Variants in LCOR observed in about 807,000 individuals in gnomAD.
The protein encoded by LCOR is ligand-dependent corepressor.
Under a neutral mutation model 64.4 loss-of-function variants are expected in LCOR, and 14 were observed. The observed-to-expected ratio is 0.22, with a 90% CI of 0.14 to 0.34. LCOR has a LOEUF of 0.34. LCOR is among the 10% of genes least tolerant of loss of function. The probability of loss-of-function intolerance (pLI) is 1.00; values close to 1 mark genes in which losing one functional copy is unlikely to be tolerated. For synonymous variants in LCOR, 643 were observed against 642.5 expected (o/e 1.00, Z -0.01); for missense variants, 1,686 against 1,765.3 (o/e 0.96, Z 0.80).
chr10:96,856,164 G>A (rs926568029), intron 2 of LCOR, among the ~76,000 whole-genome samples: 17 of 151,034 alleles, frequency 1.1e-4, no homozygotes, highest in African/African-American at 3.7e-4. Context: ...TCCGCCTCCC[G>A]GGTTCAAGCA....
intron 2 of LCOR, among the ~76,000 whole-genome samples, chr10:96,876,644 A>G (rs1053222764): frequency 7.2e-5 from 11 of 152,344 alleles, no homozygotes; most frequent in East Asian, 1.9e-4. Flanking sequence ...GAAAATACGG[A>G]CAAGGCAATG....
intron 2 of LCOR, among the ~76,000 whole-genome samples, chr10:96,902,122 C>T (rs1259095034): frequency 1.4e-5 from 2 of 143,590 alleles, no homozygotes; most frequent in African/African-American, 5.5e-5. Context: ...ATTCAGAGCT[C>T]TTTGCTCTTA....
chr10:96,966,220 CTTTTT>C (rs34210121), intron 7 of LCOR, among the ~76,000 whole-genome samples: 4 of 55,136 alleles, frequency 7.3e-5, no homozygotes, highest in Non-Finnish European at 1.0e-4. Flanking sequence ...CCAAAGGACT[CTTTTT>C]TTTTTTTTTT....
chr10:96,925,442 T>C (rs1264689385), intron 4 of LCOR, among the ~76,000 whole-genome samples: 1 of 152,228 alleles, frequency 6.6e-6, no homozygotes, highest in Non-Finnish European at 1.5e-5. Flanking sequence ...AGAATTTCTC[T>C]TAATTTAGGT....
intron 7 of LCOR, chr10:96,956,077 C>T: frequency 1.4e-6 from 2 of 1,436,140 alleles, no homozygotes; most frequent in Non-Finnish European, 1.8e-6. Context: ...AATGTGCATT[C>T]TGAATGTTGC....
chr10:96,834,564 A>C (rs986728477), intron 2 of LCOR, among the ~76,000 whole-genome samples: 13 of 152,166 alleles, frequency 8.5e-5, no homozygotes, highest in African/African-American at 2.9e-4. Context: ...AGAAGCATGA[A>C]ATTAATGCGT....
At chr10:96,854,013 G>T (rs754058081) in intron 2 of LCOR, among the ~76,000 whole-genome samples, 1 of 152,102 alleles carries the variant, frequency 6.6e-6, no homozygotes, top group Non-Finnish European at 1.5e-5. Flanking sequence ...CCCTTGACAC[G>T]TGGGGATTAT....
chr10:96,888,296 C>T (rs777984518), intron 2 of LCOR, among the ~76,000 whole-genome samples: 1 of 118,496 alleles, frequency 8.4e-6, no homozygotes, highest in Non-Finnish European at 1.6e-5. Context: ...ACCCGGTGGG[C>T]GGAGGTTGCA....
intron 2 of LCOR, among the ~76,000 whole-genome samples, chr10:96,876,221 A>T (rs1202209732): frequency 6.6e-6 from 1 of 152,200 alleles, no homozygotes; most frequent in Non-Finnish European, 1.5e-5. Flanking sequence ...GCCTCTAATG[A>T]TGGAGGGCAC....
intron 2 of LCOR, among the ~76,000 whole-genome samples, chr10:96,843,480 C>T (rs145677538): frequency 5.5e-4 from 83 of 152,284 alleles, no homozygotes; most frequent in African/African-American, 1.9e-3. Flanking sequence ...CTTATATCTG[C>T]CCACTGGATA....
intron 2 of LCOR, among the ~76,000 whole-genome samples, chr10:96,845,090 GAGA>G (rs1290451828): frequency 1.3e-5 from 2 of 152,030 alleles, no homozygotes; most frequent in African/African-American, 2.4e-5. Flanking sequence ...TACTGAGAAG[GAGA>G]AGAAGAAATT....
chr10:96,935,016 A>G (rs1201820925), intron 4 of LCOR, among the ~76,000 whole-genome samples: 1 of 152,150 alleles, frequency 6.6e-6, no homozygotes, highest in Admixed American at 6.5e-5. Flanking sequence ...TTTGAGTTAC[A>G]GAAGATTTTG....
Position 96,838,393 on chromosome 10 carries a change from A to G in LCOR, c.-330+4914A>G, listed in dbSNP as rs144780050. ...TGCCTCAGTCTCCCAAAGTCCTGGG[A>G]TTACAGGTGTGCGCCACCACACCCA... On this transcript the variant is annotated intron_variant, in intron 2 of 7. Coordinates refer to ENST00000421806, the MANE Select transcript of LCOR (RefSeq NM_001346516.2). 2.8e-3 allele frequency among the ~76,000 whole-genome samples: 431 copies of G among 152,270 alleles called. 6 individuals carry two copies. Among genetic ancestry groups the G allele is most frequent in the African/African-American group, 9.3e-3 (388 of 41,542 alleles).
chr10:96,984,772 G>T lies in LCOR; in HGVS notation c.4312G>T (p.Ala1438Ser). The T allele has an allele frequency of 6.2e-7, 1 of 1,613,812 alleles. No individual in the cohort carries two copies. Among genetic ancestry groups the T allele is most frequent in the Non-Finnish European group, 8.5e-7 (1 of 1,179,958 alleles). ...ATKTPAAKRP[A>S]ARDRSSQPPK... is the part of the protein sequence containing the mutation. ...CAAAACCCCTGCTGCCAAGAGGCCAGCTGCAAGGGACAGAAGCAGCCAACC... is the reference window on the plus strand; with the variant it reads ...CAAAACCCCTGCTGCCAAGAGGCCATCTGCAAGGGACAGAAGCAGCCAACC... The change falls in exon 8 of 8, where the codon GCT becomes TCT. Residue 1438 changes from alanine to serine, a missense_variant. Transcript: ENST00000421806.
chr10:96,941,086 A>C, intron 4 of LCOR, among the ~76,000 whole-genome samples: 2 of 74,626 alleles, frequency 2.7e-5, no homozygotes. Flanking sequence ...TCCCTCCCGG[A>C]CGGGGCGGCT....
intron 7 of LCOR, among the ~76,000 whole-genome samples, chr10:96,965,420 T>G (rs1847938522): frequency 6.6e-6 from 1 of 150,742 alleles, no homozygotes; most frequent in African/African-American, 2.4e-5. Context: ...CCCAGCACTT[T>G]GGGAGGCCGA....
intron 4 of LCOR, among the ~76,000 whole-genome samples, chr10:96,919,996 T>C (rs1023189579): frequency 1.1e-4 from 16 of 152,186 alleles, no homozygotes; most frequent in Non-Finnish European, 2.4e-4. Flanking sequence ...TTCAGTTCTT[T>C]TTTGTGTATA....
At chr10:96,855,819 G>A (rs1191122983) in intron 2 of LCOR, among the ~76,000 whole-genome samples, 15 of 151,922 alleles carry the variant, frequency 9.9e-5, no homozygotes, top group Admixed American at 8.5e-4. Context: ...TTGCCTCACC[G>A]CAACCTCTGC....
rs1848117106 is a variant in LCOR, at chr10:96,983,703, C to A, written c.3243C>A (p.Asp1081Glu). The stretch of plus-strand genomic sequence containing the variant: ...AAAATGGAGCTTCAGAGAGTGGAGA[C>A]CCCCTAGATGAGGACGATGTTGACA... ...PKENGASESG[D>E]PLDEDDVDTV... The change falls in exon 8 of 8, where the codon GAC becomes GAA. Residue 1081 changes from aspartate to glutamate, a missense_variant. Transcript: ENST00000421806. The surrounding 1 kb of genome is among the most constrained non-coding windows in gnomAD (Gnocchi z 4.5). 1.9e-6 allele frequency: 3 copies of A among 1,614,118 alleles called. No individual in the cohort carries two copies. The highest frequency in any genetic ancestry group is 8.5e-7 in the Non-Finnish European group (1 of 1,180,024).
Sources: allele counts gnomAD v4.1 joint callset (sites outside exome capture counted in the v4.1 genomes callset), GRCh38; gene constraint gnomAD v4.1.1; non-coding constraint Gnocchi (gnomAD v3.1); transcripts MANE v1.5; gene names NCBI Gene and HGNC (gene_info 2026-07-23, HGNC 2026-07-21).